Variants in KAT6B observed in about 807,000 individuals in gnomAD.
KAT6B encodes lysine acetyltransferase 6B.
A neutral mutation model predicts 187.5 loss-of-function variants in KAT6B; 10 were observed. The observed-to-expected ratio is 0.05, with a 90% CI of 0.03 to 0.09. KAT6B has a LOEUF of 0.09. Among genes scored for constraint, KAT6B ranks in the 10% least tolerant of loss-of-function variants. KAT6B has a pLI of 1.00. For missense variants in KAT6B, 1,952 were observed against 2,558.9 expected (o/e 0.76, Z 5.12); for synonymous variants, 861 against 926.8 (o/e 0.93, Z 1.29).
chr10:74,866,129 A>G (rs1843539253), intron 3 of KAT6B, among the ~76,000 whole-genome samples: 1 of 152,202 alleles, frequency 6.6e-6, no homozygotes, highest in Admixed American at 6.5e-5. Flanking sequence ...AGGGATGACA[A>G]TATTAAAAAA....
chr10:75,011,728 C>A (rs991273955), intron 13 of KAT6B, among the ~76,000 whole-genome samples: 3 of 152,130 alleles, frequency 2.0e-5, no homozygotes, highest in African/African-American at 7.2e-5. Context: ...AATTTTTATT[C>A]TTCTAATCCA....
chr10:75,025,524 G>T, intron 17 of KAT6B: 2 of 386,234 alleles, frequency 5.2e-6, no homozygotes, highest in Admixed American at 4.0e-5. Flanking sequence ...AAACTTTGAA[G>T]TCTGTTGACA....
chr10:74,857,564 C>T (rs1210966137), intron 3 of KAT6B, among the ~76,000 whole-genome samples: 1 of 152,148 alleles, frequency 6.6e-6, no homozygotes, highest in East Asian at 1.9e-4. Context: ...GTTATTTTGC[C>T]AGGTAAGGTT....
intron 3 of KAT6B, among the ~76,000 whole-genome samples, chr10:74,921,188 C>T (rs1848092296): frequency 1.4e-5 from 2 of 147,722 alleles, no homozygotes; most frequent in Middle Eastern, 3.6e-3. Context: ...GATCTTGCCT[C>T]ACTGCAACCT....
intron 4 of KAT6B, among the ~76,000 whole-genome samples, chr10:74,965,594 C>CT (rs1841403929): frequency 6.6e-6 from 1 of 152,164 alleles, no homozygotes; most frequent in Non-Finnish European, 1.5e-5. Context: ...TTACTACAGA[C>CT]TTAGTGGCTT....
intron 3 of KAT6B, among the ~76,000 whole-genome samples, chr10:74,938,627 T>C (rs1360277934): frequency 1.3e-5 from 2 of 152,196 alleles, no homozygotes; most frequent in East Asian, 3.8e-4. Flanking sequence ...AATACTGAAA[T>C]TTTATGGGCT....
intron 1 of KAT6B, among the ~76,000 whole-genome samples, chr10:74,828,977 A>T (rs941145518): frequency 2.0e-5 from 3 of 151,398 alleles, no homozygotes; most frequent in African/African-American, 4.9e-5. Flanking sequence ...TTCTACTGAG[A>T]GTTAAAGGTT....
intron 3 of KAT6B, among the ~76,000 whole-genome samples, chr10:74,955,383 T>TTC (rs1840601518): frequency 9.9e-5 from 10 of 101,392 alleles, no homozygotes; most frequent in African/African-American, 3.5e-4. Flanking sequence ...CACAATTTTA[T>TTC]CCCCCCCCCC....
intron 1 of KAT6B, among the ~76,000 whole-genome samples, chr10:74,837,486 G>C (rs1367422067): frequency 3.3e-5 from 5 of 152,076 alleles, no homozygotes; most frequent in African/African-American, 9.7e-5. Flanking sequence ...GCTTGTGATA[G>C]AATGTCCTAT....
At chr10:74,884,449 T>G (rs1171356584) in intron 3 of KAT6B, among the ~76,000 whole-genome samples, 1 of 152,238 alleles carries the variant, frequency 6.6e-6, no homozygotes, top group Non-Finnish European at 1.5e-5. Context: ...ATAAAAGCCC[T>G]ACTTTATCAG....
chr10:75,001,275 C>T (rs72803443), intron 13 of KAT6B, among the ~76,000 whole-genome samples: 2,647 of 152,224 alleles, frequency 0.017, 40 homozygotes, highest in Middle Eastern at 0.034. Context: ...CCGTAGAGAT[C>T]CCCGGGCTTG....
intron 4 of KAT6B, among the ~76,000 whole-genome samples, chr10:74,965,537 G>A (rs1177404584): frequency 2.0e-5 from 3 of 152,144 alleles, no homozygotes; most frequent in Non-Finnish European, 4.4e-5. Context: ...AGTCTGAGGG[G>A]CTTAGTGTCT....
chr10:74,829,339 A>G (rs1039588121), intron 1 of KAT6B, among the ~76,000 whole-genome samples: 7 of 152,236 alleles, frequency 4.6e-5, no homozygotes, highest in East Asian at 3.8e-4. Flanking sequence ...TCACGTATCA[A>G]TTAGTAAAAG....
intron 3 of KAT6B, among the ~76,000 whole-genome samples, chr10:74,867,118 G>A (rs7895445): frequency 0.052 from 7,909 of 152,120 alleles, 301 homozygotes; most frequent in South Asian, 0.1. Context: ...GGTTAGCTGC[G>A]TGATGTCCTG....
chr10:74,827,124 G>GT (rs1358779734), intron 1 of KAT6B: 1 of 152,544 alleles, frequency 6.6e-6, no homozygotes, highest in African/African-American at 2.4e-5. Flanking sequence ...GGTAGGAGCG[G>GT]TGGGGGGCCG....
At chr10:74,865,562 C>G (rs1260115842) in intron 3 of KAT6B, among the ~76,000 whole-genome samples, 3 of 151,386 alleles carry the variant, frequency 2.0e-5, no homozygotes, top group African/African-American at 4.9e-5. Flanking sequence ...GTCACCCAGG[C>G]TGGAGTGCAG....
At chr10:74,876,582 GT>G (rs1269738574) in intron 3 of KAT6B, among the ~76,000 whole-genome samples, 1 of 152,076 alleles carries the variant, frequency 6.6e-6, no homozygotes, top group Admixed American at 6.6e-5. Context: ...AAGAGCTGAG[GT>G]TTTGTATGTT....
rs1274585455 is a variant in KAT6B, at chr10:74,977,423, G to A, written c.2101G>A (p.Glu701Lys). ...TTTGGATGTTTTTAAGCAGGCCCAGGAACTTTCTTGGGAGGTAAGGCGAGG... is the reference window on the plus strand; with the variant it reads ...TTTGGATGTTTTTAAGCAGGCCCAGAAACTTTCTTGGGAGGTAAGGCGAGG... ...EDLDVFKQAQ[E>K]LSWEKIECES... The change falls in exon 9 of 18, where the codon GAA (glutamate) becomes AAA (lysine). Residue 701 changes from glutamate (E) to lysine (K), a missense_variant. This residue lies in a region of KAT6B where 417 missense variants were observed against 508.9 expected (regional missense o/e 0.82). Transcript: ENST00000287239. 7.1e-5 allele frequency: 114 copies of A among 1,613,724 alleles called. No homozygotes were observed. Among genetic ancestry groups the A allele is most frequent in the Non-Finnish European group, 9.2e-5 (108 of 1,179,818 alleles).
intron 3 of KAT6B, among the ~76,000 whole-genome samples, chr10:74,866,945 A>C (rs1432527071): frequency 1.3e-5 from 2 of 152,244 alleles, no homozygotes; most frequent in African/African-American, 4.8e-5. Context: ...CACTTGGGGA[A>C]ATACTGTATC....
Sources: gnomAD v4.1 joint callset for allele counts (sites outside exome capture counted in the v4.1 genomes callset) on GRCh38, gnomAD v4.1.1 for gene constraint, gnomAD v4.1.1 regional missense constraint, MANE v1.5 for transcripts, NCBI Gene and HGNC (gene_info 2026-07-23, HGNC 2026-07-21) for gene names.